ATRIP: variants seen among roughly 807,000 people sequenced by gnomAD.
ATRIP encodes ATR interacting protein, also known as ATR-interacting protein.
In ATRIP, 44 loss-of-function variants were observed where a neutral mutation model predicts 78.1. The observed-to-expected ratio is 0.56, with a 90% confidence interval of 0.44 to 0.72. The LOEUF (loss-of-function observed/expected upper bound fraction) is 0.72. Among genes scored for constraint, ATRIP ranks in the 30% least tolerant of loss-of-function variants. ATRIP has a pLI of 0.00. For missense variants in ATRIP, 927 were observed against 980.2 expected (o/e 0.95, Z 0.72); for synonymous variants, 388 against 408.9 (o/e 0.95, Z 0.62).
intron 8 of ATRIP, 107 bp from the exon 9 acceptor site, chr3:48,463,638 G>A: frequency 6.8e-7 from 1 of 1,470,574 alleles, no homozygotes; most frequent in East Asian, 2.4e-5. Context: ...CAACTCACCT[G>A]TTCATACTGA....
chr3:48,463,734 C>G lies in ATRIP; in HGVS notation c.1746-11C>G. The G allele has an allele frequency of 1.2e-6, 2 of 1,614,026 alleles. No individual in the cohort carries two copies. Among genetic ancestry groups the G allele is most frequent in the Non-Finnish European group, 1.7e-6 (2 of 1,179,950 alleles). On this transcript the variant is annotated splice_polypyrimidine_tract_variant and intron_variant, in intron 8 of 12. Coordinates refer to ENST00000320211, the MANE Select transcript of ATRIP (RefSeq NM_130384.3). ...GGGAGTGTCACGTCTCTCTGGGTCC[C>G]TGTCTTTTAGGTTCCAGTGTGTGTT... is the stretch of plus-strand genomic sequence containing the variant.
chr3:48,454,402 T>A lies in ATRIP; in HGVS notation c.655T>A (p.Ser219Thr). The change falls in exon 4 of 13, where the codon TCT becomes ACT. Residue 219 changes from serine (S) to threonine (T), a missense_variant. Coordinates refer to ENST00000320211, the MANE Select transcript of ATRIP (RefSeq NM_130384.3). ...ACGAGCAAATAAACTGGCTGCTCCC[T>A]CTGTTTCCCATGTCAGGTAATGATG... is the stretch of plus-strand genomic sequence containing the variant. Reference protein sequence around the residue: ...SERANKLAAPSVSHVSPRKNP... With the variant: ...SERANKLAAPTVSHVSPRKNP... 1 of 1,611,198 alleles carries A rather than the reference T, an allele frequency of 6.2e-7. No homozygotes were observed. Among genetic ancestry groups the A allele is most frequent in the Non-Finnish European group, 8.5e-7 (1 of 1,177,590 alleles).
intron 9 of ATRIP, 59 bp downstream of exon 9, chr3:48,463,940 G>A: frequency 6.2e-7 from 1 of 1,609,224 alleles, no homozygotes; most frequent in Non-Finnish European, 8.5e-7. Context: ...AAGGGTTGGG[G>A]TGGGAACAGG....
At chr3:48,454,270 C>A in intron 3 of ATRIP, 30 bp from the exon 4 acceptor site, 2 of 1,315,056 alleles carry the variant, frequency 1.5e-6, no homozygotes, top group Non-Finnish European at 1.1e-6. Context: ...ATGATGGGAC[C>A]ACTACAAGCA....
Position 48,447,031 on chromosome 3 carries a change from G to A in ATRIP, c.186G>A (p.Glu62=). 6.4e-7 allele frequency: 1 copy of A among 1,571,980 alleles called. No homozygotes were observed. The highest frequency in any genetic ancestry group is 8.6e-7 in the Non-Finnish European group (1 of 1,161,548). ...ACTTCACTGCCGACGACCTGGAGGA[G>A]CTTGACACCCTCGCGTCACAGGCCC... ...HGDFTADDLE[E]LDTLASQALS... is the part of the protein sequence containing the mutation. The change falls in exon 1 of 13, where the codon GAG becomes GAA. Residue 62 remains glutamate, a synonymous_variant. Transcript: ENST00000320211.
At chr3:48,457,506 G>C in intron 5 of ATRIP, 90 bp downstream of exon 5, 1 of 1,081,036 alleles carries the variant, frequency 9.3e-7, no homozygotes, top group Middle Eastern at 2.9e-4. Context: ...CAATTTCTGT[G>C]ATCAGCAATT....
Position 48,458,408 on chromosome 3 carries a change from T to TGC in ATRIP, c.830-950_830-949dup, listed in dbSNP as rs1338703037. ...CGTGATCTCGGCTCACTGTAACCTC[T>TGC]GCCTCCCATGTTCAAGCGATTCTCC... On this transcript the variant is annotated intron_variant, in intron 5 of 12. Coordinates refer to ENST00000320211, the MANE Select transcript of ATRIP (RefSeq NM_130384.3). Among the ~76,000 whole-genome samples, 6 of 151,680 alleles carry TGC rather than the reference T, an allele frequency of 4.0e-5. No individual in the cohort carries two copies. The East Asian group carries it at 1.2e-3, about 29-fold the overall frequency.
Position 48,457,401 on chromosome 3 carries a change from C to T in ATRIP, c.814C>T (p.Leu272=). The stretch of plus-strand genomic sequence containing the variant: ...CCAGACGGAGTCAGGATACAAGCCT[C>T]TGGTGGGCAGAGAGGGTAAGTCCAT... ...PCQTESGYKP[L]VGREDSKPHS... is the part of the protein sequence containing the mutation. Residue 272 remains leucine (L), a synonymous_variant, in exon 5 of 13, where the codon CTG becomes TTG. Coordinates refer to ENST00000320211, the MANE Select transcript of ATRIP (RefSeq NM_130384.3). 6.3e-7 allele frequency: 1 copy of T among 1,584,846 alleles called. No homozygotes were observed. Among genetic ancestry groups the T allele is most frequent in the African/African-American group, 1.4e-5 (1 of 73,276 alleles).
In ATRIP at chr3:48,467,110, G is replaced by C; in HGVS notation, c.*1556G>C. On this transcript the variant is annotated 3_prime_UTR_variant, in exon 13 of 13. Coordinates refer to ENST00000320211, the MANE Select transcript of ATRIP (RefSeq NM_130384.3). Reference sequence around the variant, plus strand: ...ACCAGTGCTCTGGATGGTGCCTTCTGTGTGGATAGCATCACTGCGCTGAAG... The same window carrying C: ...ACCAGTGCTCTGGATGGTGCCTTCTCTGTGGATAGCATCACTGCGCTGAAG... The C allele has an allele frequency of 6.2e-7, 1 of 1,613,988 alleles. No individual in the cohort carries two copies. Among genetic ancestry groups the C allele is most frequent in the Non-Finnish European group, 8.5e-7 (1 of 1,180,032 alleles).
Position 48,464,724 on chromosome 3 carries a change from G to A in ATRIP, c.2055+62G>A, listed in dbSNP as rs2040222233. 1.5e-5 allele frequency: 24 copies of A among 1,611,150 alleles called. No homozygotes were observed. The South Asian group carries it at 2.5e-4, about 17-fold the overall frequency. On this transcript the variant is annotated intron_variant, in intron 11 of 12. Transcript: ENST00000320211. ...GGTAAGGGGGCCCCGTGCAAGGACT[G>A]TAGGCCCCACTGCAAACCCCCTCAC...
chr3:48,467,024 A>C lies in ATRIP; in HGVS notation c.*1470A>C, dbSNP rs1242019591. On this transcript the variant is annotated 3_prime_UTR_variant, in exon 13 of 13. Transcript: ENST00000320211. ...AGCCACAGCCCTGGTGCCTGGTGGC[A>C]CACAATGGTGACCGCTACGACTTCC... 1 of 1,613,852 alleles carries C rather than the reference A, an allele frequency of 6.2e-7. No homozygotes were observed. The highest frequency in any genetic ancestry group is 1.3e-5 in the African/African-American group (1 of 74,936).
rs1037405878 is a variant in ATRIP at position 48,467,633 on chromosome 3, C to T, written c.*2079C>T. On this transcript the variant is annotated 3_prime_UTR_variant, in exon 13 of 13. Coordinates refer to ENST00000320211, the MANE Select transcript of ATRIP (RefSeq NM_130384.3). ...AGGAAAATCTGACGAATAAAGACCC[C>T]CGCTGCCCCATAGCACTGAGTGGTC... The T allele has an allele frequency of 1.3e-6, 2 of 1,598,170 alleles. No individual in the cohort carries two copies. The highest frequency in any genetic ancestry group is 1.7e-6 in the Non-Finnish European group (2 of 1,172,100).
chr3:48,450,589 A>ATTTTT, intron 2 of ATRIP: 42 of 985,974 alleles, frequency 4.3e-5, no homozygotes, highest in Admixed American at 7.1e-5. Flanking sequence ...TGTGACCCAG[A>ATTTTT]TTTTTTTTTT....
chr3:48,465,072 C>T lies in ATRIP; in HGVS notation c.2297C>T (p.Thr766Met), dbSNP rs137912936. The T allele has an allele frequency of 2.7e-4, 435 of 1,609,246 alleles. 1 individual carries two copies. The highest frequency in any genetic ancestry group is 3.3e-4 in the Non-Finnish European group (392 of 1,176,406). ...CTCATCCGAGGGCTTCCTGATGTGA[C>T]GGACTGTGAAGGTAAGCCTGCCAGA... ...SMLIRGLPDV[T>M]DCEEAALDDL... The change falls in exon 12 of 13, where the codon ACG (threonine) becomes ATG (methionine). Residue 766 changes from threonine (T) to methionine (M), a missense_variant. Thr to Met is a moderately conservative substitution (Grantham distance 81). Transcript: ENST00000320211.
Position 48,460,326 on chromosome 3 carries a change from G to T in ATRIP, c.1272G>T (p.Gln424His). Reference protein sequence around the residue: ...PGAVHFLPLVQFFIGLHCQAL... With the variant: ...PGAVHFLPLVHFFIGLHCQAL... ...CCGTGCATTTCCTCCCCCTTGTACAGTTCTTCATCGGCTTACACTGCCAGG... is the reference window on the plus strand; with the variant it reads ...CCGTGCATTTCCTCCCCCTTGTACATTTCTTCATCGGCTTACACTGCCAGG... The change falls in exon 8 of 13, where the codon CAG (glutamine) becomes CAT (histidine). Residue 424 changes from glutamine to histidine, a missense_variant. Physicochemically the swap from Gln to His is conservative, Grantham distance 24. Coordinates refer to ENST00000320211, the MANE Select transcript of ATRIP (RefSeq NM_130384.3). The T allele has an allele frequency of 6.2e-7, 1 of 1,613,520 alleles. No homozygotes were observed. The highest frequency in any genetic ancestry group is 8.5e-7 in the Non-Finnish European group (1 of 1,179,682).
At position 48,465,710 on chromosome 3, in the gene ATRIP, G is replaced by C. The variant is rs912824696; in HGVS notation, c.*156G>C. The C allele has an allele frequency of 1.4e-6, 1 of 693,742 alleles. No homozygotes were observed. The highest frequency in any genetic ancestry group is 2.4e-6 in the Non-Finnish European group (1 of 418,128). The allele number at this position is 693,742 out of a possible 1,614,324, so 43.0% of individuals were successfully genotyped here. ...TGGCGGAGTGGGAGGGGTGGAGCAG[G>C]ACCCGGACCCTGAGTGGCTGGGATC... On this transcript the variant is annotated 3_prime_UTR_variant, in exon 13 of 13. Coordinates refer to ENST00000320211, the MANE Select transcript of ATRIP (RefSeq NM_130384.3).
rs762674869 is a variant in ATRIP, at chr3:48,465,536, C to G, written c.2358C>G (p.Pro786=). The stretch of plus-strand genomic sequence containing the variant: ...CCGCGGAAACCGATGTGGAAGACCC[C>G]GAGGTGGAGTGTGGCTGAGGCCCTG... ...LCAAETDVED[P]EVECG is the part of the protein sequence containing the mutation. Residue 786 remains proline (P), a synonymous_variant, in exon 13 of 13, where the codon CCC becomes CCG. Transcript: ENST00000320211. The G allele has an allele frequency of 6.2e-7, 1 of 1,613,700 alleles. No homozygotes were observed. The highest frequency in any genetic ancestry group is 1.7e-5 in the Admixed American group (1 of 59,996).
rs2107252771 is a variant in ATRIP, at chr3:48,466,501, G to C, written c.*947G>C. 6.2e-7 allele frequency: 1 copy of C among 1,614,006 alleles called. No individual in the cohort carries two copies. The highest frequency in any genetic ancestry group is 2.2e-5 in the East Asian group (1 of 44,884). On this transcript the variant is annotated 3_prime_UTR_variant, in exon 13 of 13. Coordinates refer to ENST00000320211, the MANE Select transcript of ATRIP (RefSeq NM_130384.3). ...ACTTCCTGCCTGAAAATGGGCCCTG[G>C]AGCTCGCAGACAGGGCAGGATTGTG...
chr3:48,465,548 T>C lies in ATRIP; in HGVS notation c.2370T>C (p.Cys790=). Residue 790 remains cysteine (C), a synonymous_variant, in exon 13 of 13, where the codon TGT becomes TGC. Coordinates refer to ENST00000320211, the MANE Select transcript of ATRIP (RefSeq NM_130384.3). ...ETDVEDPEVE[C]G Reference sequence around the variant, plus strand: ...ATGTGGAAGACCCCGAGGTGGAGTGTGGCTGAGGCCCTGAGTGTCCAGCCA... The same window carrying C: ...ATGTGGAAGACCCCGAGGTGGAGTGCGGCTGAGGCCCTGAGTGTCCAGCCA... 3.7e-6 allele frequency: 6 copies of C among 1,613,250 alleles called. No individual in the cohort carries two copies. The highest frequency in any genetic ancestry group is 5.1e-6 in the Non-Finnish European group (6 of 1,179,338).
Sources: allele counts gnomAD v4.1 joint callset (sites outside exome capture counted in the v4.1 genomes callset), GRCh38; gene constraint gnomAD v4.1.1; transcripts MANE v1.5; gene names NCBI Gene and HGNC (gene_info 2026-07-23, HGNC 2026-07-21).